PDE1C: variants seen among roughly 807,000 people sequenced by gnomAD.
PDE1C encodes the protein phosphodiesterase 1C, also known as dual specificity calcium/calmodulin-dependent 3',5'-cyclic nucleotide phosphodiesterase 1C.
Under a neutral mutation model 93.1 loss-of-function variants are expected in PDE1C, and 62 were observed. That is an observed-to-expected ratio of 0.67 (90% CI 0.54 to 0.82). PDE1C has a LOEUF of 0.82. Among genes scored for constraint, PDE1C ranks in the 40% least tolerant of loss-of-function variants. PDE1C has a pLI of 0.00. For missense variants in PDE1C, 742 were observed against 884.6 expected, an observed-to-expected ratio of 0.84 and a Z score of 2.04; for synonymous variants, 325 against 310.1, an observed-to-expected ratio of 1.05 and a Z score of -0.50.
At chr7:32,082,290 G>C (rs193209148) in intron 3 of PDE1C, among the ~76,000 whole-genome samples, 1 of 152,228 alleles carries the variant, frequency 6.6e-6, no homozygotes, top group African/African-American at 2.4e-5. Flanking sequence ...CAAACTGCAA[G>C]GTGGCAGCGA....
At chr7:32,324,251 T>A (rs753826123) in intron 1 of PDE1C, among the ~76,000 whole-genome samples, 8 of 152,208 alleles carry the variant, frequency 5.3e-5, no homozygotes, top group Admixed American at 1.3e-4. Context: ...TTTGCTCTTT[T>A]ATAGAAACAA....
At chr7:31,745,751 ATAAG>A in the PDE1C span, among the ~76,000 whole-genome samples, 2 of 152,248 alleles carry the variant, frequency 1.3e-5, no homozygotes, top group Non-Finnish European at 2.9e-5. Context: ...CAAAATAGTA[ATAAG>A]TAATAGATGT....
chr7:32,124,657 A>G (rs1197515929), intron 3 of PDE1C, among the ~76,000 whole-genome samples: 1 of 152,214 alleles, frequency 6.6e-6, no homozygotes, highest in Non-Finnish European at 1.5e-5. Context: ...CATATGCAGA[A>G]AACTGGCTAG....
At chr7:31,750,501 T>C (rs1794099472), downstream of PDE1C, among the ~76,000 whole-genome samples, 2 of 152,338 alleles carry the variant, frequency 1.3e-5, no homozygotes, top group South Asian at 4.2e-4. Flanking sequence ...CATACTCCAC[T>C]CTCTGTCCAA....
At chr7:31,848,247 C>A in intron 8 of PDE1C, 151 bp from the exon 9 acceptor site, 1 of 671,154 alleles carries the variant, frequency 1.5e-6, no homozygotes, top group South Asian at 1.9e-5. Context: ...GCTCAACTAA[C>A]ACTACAAATC....
At chr7:32,030,234 T>C (rs1790136081) in intron 2 of PDE1C, among the ~76,000 whole-genome samples, 1 of 151,978 alleles carries the variant, frequency 6.6e-6, no homozygotes, top group African/African-American at 2.4e-5. Flanking sequence ...GTAGTATTTT[T>C]TTAATAAAGA....
At position 31,753,360 on chromosome 7, in the gene PDE1C, A is replaced by T. The variant is rs1194122762; in HGVS notation, c.*24T>A. On this transcript the variant is annotated 3_prime_UTR_variant, in exon 18 of 18. Transcript: ENST00000396191. ...GAAGCAGATAGGTAGACCCTCCTTC[A>T]CTCCCTCTCTTCTTCCCCTCGGCCT... The T allele has an allele frequency of 6.2e-7, 1 of 1,601,776 alleles. No homozygotes were observed. The highest frequency in any genetic ancestry group is 1.7e-5 in the Admixed American group (1 of 59,326).
chr7:32,282,230 A>C (rs932076791), intron 1 of PDE1C, among the ~76,000 whole-genome samples: 6 of 151,752 alleles, frequency 4.0e-5, no homozygotes, highest in African/African-American at 1.5e-4. Context: ...TAATCCCAGC[A>C]CTTTGGGAGA....
intron 3 of PDE1C, among the ~76,000 whole-genome samples, chr7:32,120,555 C>T (rs141802523): frequency 3.3e-5 from 5 of 152,278 alleles, no homozygotes; most frequent in African/African-American, 1.2e-4. Flanking sequence ...TCTCCATCCT[C>T]CTTGAGTGAT....
At chr7:32,204,476 G>A (rs73104602) in intron 2 of PDE1C, among the ~76,000 whole-genome samples, 19,127 of 152,152 alleles carry the variant, frequency 0.13, 1,251 homozygotes, top group South Asian at 0.19. Flanking sequence ...TGTCTCCCTC[G>A]CTCGGGCTCC....
intron 1 of PDE1C, among the ~76,000 whole-genome samples, chr7:32,272,286 G>A (rs1811023663): frequency 6.6e-6 from 1 of 152,248 alleles, no homozygotes; most frequent in South Asian, 2.1e-4. Flanking sequence ...GGGAAATGCA[G>A]CTGGCCTAAG....
At chr7:31,688,960 C>G in the PDE1C span, among the ~76,000 whole-genome samples, 1 of 152,190 alleles carries the variant, frequency 6.6e-6, no homozygotes, top group Non-Finnish European at 1.5e-5. Context: ...GGTAGCAAAG[C>G]CTGACCTGAA....
chr7:31,739,777 A>G, the PDE1C span, among the ~76,000 whole-genome samples: 1 of 152,146 alleles, frequency 6.6e-6, no homozygotes, highest in Non-Finnish European at 1.5e-5. Context: ...CAACTAAACA[A>G]AAATGTAAAA....
chr7:32,140,796 C>G (rs1033870490), intron 3 of PDE1C, among the ~76,000 whole-genome samples: 3 of 152,180 alleles, frequency 2.0e-5, no homozygotes, highest in Admixed American at 2.0e-4. Context: ...CGTGCCCACT[C>G]GAGAGTGAGG....
intron 3 of PDE1C, among the ~76,000 whole-genome samples, chr7:32,087,961 C>A (rs1235552213): frequency 6.6e-6 from 1 of 151,358 alleles, no homozygotes; most frequent in Admixed American, 6.6e-5. Flanking sequence ...TGTAACAAAC[C>A]TGCACATTGT....
intron 9 of PDE1C, among the ~76,000 whole-genome samples, chr7:31,846,155 C>G (rs376227458): frequency 6.6e-6 from 1 of 151,900 alleles, no homozygotes; most frequent in African/African-American, 2.4e-5. Context: ...CTAAAGCTTG[C>G]ATAATTGCCT....
At chr7:31,804,174 T>A (rs1266696394) in intron 16 of PDE1C, among the ~76,000 whole-genome samples, 1 of 152,002 alleles carries the variant, frequency 6.6e-6, no homozygotes, top group South Asian at 2.1e-4. Flanking sequence ...TTAAATTACT[T>A]TGAGACATTT....
At chr7:31,773,797 T>A (rs1038695126) in intron 17 of PDE1C, among the ~76,000 whole-genome samples, 1 of 152,108 alleles carries the variant, frequency 6.6e-6, no homozygotes, top group African/African-American at 2.4e-5. Context: ...TTGGCAGCAC[T>A]GGGGGCAGAA....
At chr7:32,309,946 A>C (rs2128904296) in intron 1 of PDE1C, among the ~76,000 whole-genome samples, 1 of 152,376 alleles carries the variant, frequency 6.6e-6, no homozygotes, top group African/African-American at 2.4e-5. Context: ...TTTAAAAGAT[A>C]CAGACTGGCA....
Sources: gnomAD v4.1 joint callset for allele counts (sites outside exome capture counted in the v4.1 genomes callset) on GRCh38, gnomAD v4.1.1 for gene constraint, MANE v1.5 for transcripts, NCBI Gene and HGNC (gene_info 2026-07-23, HGNC 2026-07-21) for gene names.